MALRD1: variants seen among roughly 807,000 people sequenced by gnomAD.
MALRD1 encodes the protein MAM and LDL-receptor class A domain-containing protein 1.
MALRD1 carries 247 observed loss-of-function variants against 242.1 expected under a neutral mutation model. The observed-to-expected ratio is 1.02, with a 90% CI of 0.92 to 1.13. The LOEUF (loss-of-function observed/expected upper bound fraction) is 1.13. MALRD1 is among the 50% of genes most tolerant of loss of function. MALRD1 has a pLI of 0.00. For missense variants in MALRD1, 2,989 were observed against 2,533.1 expected, an observed-to-expected ratio of 1.18 and a Z score of -3.86; for synonymous variants, 995 against 866.6, an observed-to-expected ratio of 1.15 and a Z score of -2.60.
At chr10:19,243,544 G>T (rs59570009) in intron 18 of MALRD1, among the ~76,000 whole-genome samples, 1 of 151,950 alleles carries the variant, frequency 6.6e-6, no homozygotes, top group East Asian at 1.9e-4. Context: ...ATTATCCTCA[G>T]ACGTAATTCT....
At chr10:19,449,088 TCA>T (rs1835164298) in intron 28 of MALRD1, among the ~76,000 whole-genome samples, 2 of 152,354 alleles carry the variant, frequency 1.3e-5, no homozygotes, top group South Asian at 4.1e-4. Context: ...AGTAAATTGT[TCA>T]GTTTTCATCA....
intron 36 of MALRD1, among the ~76,000 whole-genome samples, chr10:19,624,196 A>G (rs1024497879): frequency 6.6e-6 from 1 of 152,130 alleles, no homozygotes; most frequent in Non-Finnish European, 1.5e-5. Context: ...CACTGTGAAA[A>G]TACATGTCCA....
chr10:19,112,868 C>T (rs1393083982), intron 5 of MALRD1, among the ~76,000 whole-genome samples: 1 of 151,980 alleles, frequency 6.6e-6, no homozygotes, highest in African/African-American at 2.4e-5. Context: ...AAATCTGTTC[C>T]CTCTCATTCA....
chr10:19,607,013 G>A (rs1838672023), intron 34 of MALRD1, among the ~76,000 whole-genome samples: 1 of 152,136 alleles, frequency 6.6e-6, no homozygotes, highest in African/African-American at 2.4e-5. Flanking sequence ...AAGGTAAAGT[G>A]CTTTGCAAGA....
At chr10:19,248,562 C>A (rs1404742396) in intron 18 of MALRD1, among the ~76,000 whole-genome samples, 1 of 151,732 alleles carries the variant, frequency 6.6e-6, no homozygotes, top group Non-Finnish European at 1.5e-5. Context: ...TCATTTGACA[C>A]CTATTAGTGA....
chr10:19,261,569 T>G (rs1357092705), intron 19 of MALRD1, among the ~76,000 whole-genome samples: 2 of 152,004 alleles, frequency 1.3e-5, no homozygotes, highest in African/African-American at 2.4e-5. Context: ...CCTTTTAATA[T>G]TAACTGATTA....
intron 36 of MALRD1, among the ~76,000 whole-genome samples, chr10:19,651,259 A>G (rs1840872137): frequency 6.6e-6 from 1 of 152,132 alleles, no homozygotes; most frequent in African/African-American, 2.4e-5. Flanking sequence ...ACTGATTGGG[A>G]CTGGAGCATC....
intron 17 of MALRD1, 113 bp downstream of exon 17, chr10:19,205,378 T>C: frequency 8.0e-7 from 1 of 1,257,740 alleles, no homozygotes. Context: ...GCTCCAAAGC[T>C]GATGAATGTT....
At position 19,637,249 on chromosome 10, in the gene MALRD1, C is replaced by G. The variant is rs79747556; in HGVS notation, c.6137+21326C>G. ...TGGTTTTAAAACTTTACCATATTTT[C>G]ATGGAACAATAATGTCAGTTTCATG... On this transcript the variant is annotated intron_variant, in intron 36 of 39. Coordinates refer to ENST00000454679, the MANE Select transcript of MALRD1 (RefSeq NM_001142308.3). Among the ~76,000 whole-genome samples the G allele has an allele frequency of 2.6e-3, 401 of 152,218 alleles. 8 individuals carry two copies. In the East Asian group the frequency reaches 0.059, roughly 23 times the overall value.
chr10:19,150,788 T>A (rs1198886927), intron 11 of MALRD1, among the ~76,000 whole-genome samples: 2 of 152,222 alleles, frequency 1.3e-5, no homozygotes, highest in African/African-American at 4.8e-5. Context: ...ACTGGATTCA[T>A]GTTTGTTTAT....
intron 36 of MALRD1, among the ~76,000 whole-genome samples, chr10:19,643,306 C>T (rs996006288): frequency 6.6e-6 from 1 of 151,794 alleles, no homozygotes; most frequent in African/African-American, 2.4e-5. Flanking sequence ...ATTAGGCGGA[C>T]GTGGTGGCAG....
rs71387066 is a variant in MALRD1 at position 19,368,891 on chromosome 10, T to TTGTG, written c.4441+16622_4441+16625dup. 1.2e-3 allele frequency among the ~76,000 whole-genome samples: 94 copies of TTGTG among 79,534 alleles called. 1 individual carries two copies. The highest frequency in any genetic ancestry group is 5.5e-3 in the Admixed American group (48 of 8,676). The allele number at this position is 79,534 out of a possible 152,430, so 52.2% of individuals were successfully genotyped here. On this transcript the variant is annotated intron_variant, in intron 26 of 39. Coordinates refer to ENST00000454679, the MANE Select transcript of MALRD1 (RefSeq NM_001142308.3). ...TGTGTATGTGTGTGTGTGTGTGTGT[T>TTGTG]TGTGTGTGTGTGTGTGTGTGTGTGT...
chr10:19,286,869 A>G (rs1841151559), intron 21 of MALRD1, among the ~76,000 whole-genome samples: 1 of 150,726 alleles, frequency 6.6e-6, no homozygotes, highest in Non-Finnish European at 1.5e-5. Flanking sequence ...CACAACCAAA[A>G]AAGAGAATTT....
chr10:19,049,305 G>A (rs1169766866), intron 1 of MALRD1, among the ~76,000 whole-genome samples, 168 bp downstream of exon 1: 2 of 151,978 alleles, frequency 1.3e-5, no homozygotes, highest in Non-Finnish European at 1.5e-5. Context: ...AAAGAGATGA[G>A]TCCATATAAA....
chr10:19,128,372 A>G lies in MALRD1; in HGVS notation c.1095A>G (p.Arg365=). 1.6e-6 allele frequency: 2 copies of G among 1,232,988 alleles called. No homozygotes were observed. The highest frequency in any genetic ancestry group is 8.4e-5 in the Admixed American group (2 of 23,704). The allele number at this position is 1,232,988 out of a possible 1,614,324, so 76.4% of individuals were successfully genotyped here. ...YAMESSVLRV[R]LYNNKEEEIF... is the part of the protein sequence containing the mutation. ...TGGAAAGCAGTGTCCTGAGAGTAAG[A>G]CTGTATAATAATAAGGTAAGAAGAA... The change falls in exon 8 of 40, where the codon AGA becomes AGG. Residue 365 remains arginine (R), a synonymous_variant. Coordinates refer to ENST00000454679, the MANE Select transcript of MALRD1 (RefSeq NM_001142308.3).
intron 28 of MALRD1, among the ~76,000 whole-genome samples, chr10:19,395,162 CTTTCA>C (rs1846522287): frequency 6.6e-6 from 1 of 152,064 alleles, no homozygotes; most frequent in African/African-American, 2.4e-5. Flanking sequence ...AAAGTTGATC[CTTTCA>C]TTTCAAGTTG....
At chr10:19,257,437 T>C (rs78829161) in intron 18 of MALRD1, among the ~76,000 whole-genome samples, 4,371 of 152,120 alleles carry the variant, frequency 0.029, 137 homozygotes, top group East Asian at 0.17. Flanking sequence ...ATTTCAAAAA[T>C]GGAAACTCAT....
At chr10:19,648,925 G>A (rs1840757381) in intron 36 of MALRD1, among the ~76,000 whole-genome samples, 1 of 152,056 alleles carries the variant, frequency 6.6e-6, no homozygotes, top group Non-Finnish European at 1.5e-5. Context: ...GGTGCCCGTT[G>A]TTTCCTTCTT....
intron 33 of MALRD1, among the ~76,000 whole-genome samples, chr10:19,589,596 C>G (rs16919119): frequency 0.028 from 4,330 of 152,262 alleles, 168 homozygotes; most frequent in African/African-American, 0.09. Flanking sequence ...TATAATACCC[C>G]TAATCAGATG....
Sources: gnomAD v4.1 joint callset for allele counts (sites outside exome capture counted in the v4.1 genomes callset) on GRCh38, gnomAD v4.1.1 for gene constraint, MANE v1.5 for transcripts, NCBI Gene and HGNC (gene_info 2026-07-23, HGNC 2026-07-21) for gene names.